CFAP77: variants seen among roughly 807,000 people sequenced by gnomAD.
CFAP77 encodes the protein cilia and flagella associated protein 77, also known as cilia- and flagella-associated protein 77.
Under a neutral mutation model 31.1 loss-of-function variants are expected in CFAP77, and 25 were observed. The observed-to-expected ratio is 0.80, with a 90% confidence interval of 0.59 to 1.12. CFAP77 has a LOEUF of 1.12. Among genes scored for constraint, CFAP77 ranks in the 50% most tolerant of loss-of-function variants. The pLI is 0.00. For missense variants in CFAP77, 377 were observed against 397.3 expected (o/e 0.95, Z 0.44); for synonymous variants, 151 against 159.9 (o/e 0.94, Z 0.42).
chr9:132,472,585 G>T (rs565338806), intron 1 of CFAP77, among the ~76,000 whole-genome samples: 1 of 152,140 alleles, frequency 6.6e-6, no homozygotes, highest in South Asian at 2.1e-4. Context: ...AGTGAGACCC[G>T]CATTTCTACA....
At chr9:132,521,901 A>G (rs1304946128) in intron 3 of CFAP77, among the ~76,000 whole-genome samples, 1 of 149,970 alleles carries the variant, frequency 6.7e-6, no homozygotes, top group Non-Finnish European at 1.5e-5. Context: ...CAAGTAGACT[A>G]CAGGTGCACG....
At chr9:132,506,274 C>CAGAT (rs1386641632) in intron 3 of CFAP77, among the ~76,000 whole-genome samples, 4 of 152,198 alleles carry the variant, frequency 2.6e-5, no homozygotes, top group African/African-American at 9.7e-5. Flanking sequence ...CATGCTGCCA[C>CAGAT]CCAAGGTCCG....
chr9:132,466,342 C>T lies in CFAP77; in HGVS notation c.196-32353C>T, dbSNP rs74897919. Among the ~76,000 whole-genome samples the T allele has an allele frequency of 1.5e-3, 223 of 152,198 alleles. 1 individual carries two copies. In the East Asian group the frequency reaches 0.023, roughly 16 times the overall value. ...CCCATCCCGGGATGCCTTTAGACAA[C>T]GCTTTGATTGACACACATTCAGGTC... is the stretch of plus-strand genomic sequence containing the variant. On this transcript the variant is annotated intron_variant, in intron 1 of 5. Transcript: ENST00000393216.
At position 132,565,087 on chromosome 9, in the gene CFAP77, T is replaced by A. The variant is rs1237711951; in HGVS notation, c.733-7301T>A. Among the ~76,000 whole-genome samples the A allele has an allele frequency of 6.6e-6, 1 of 151,884 alleles. No individual in the cohort carries two copies. The highest frequency in any genetic ancestry group is 1.5e-5 in the Non-Finnish European group (1 of 67,978). On this transcript the variant is annotated intron_variant, in intron 5 of 5. Transcript: ENST00000393216. This position sits in a 1 kb window ranked among gnomAD's most constrained non-coding sequence, Gnocchi z 4.1. ...TCCAGTAGCAGGGAGGAAAAGGATG[T>A]TATCCCAGGAGGGAACTATGATTCC...
At chr9:132,491,517 G>T (rs1160671077) in intron 1 of CFAP77, among the ~76,000 whole-genome samples, 1 of 152,208 alleles carries the variant, frequency 6.6e-6, no homozygotes, top group Admixed American at 6.5e-5. Context: ...CACGACTGTG[G>T]ACAAAGTGTA....
At chr9:132,504,522 A>G (rs865883559) in intron 3 of CFAP77, among the ~76,000 whole-genome samples, 8 of 152,228 alleles carry the variant, frequency 5.3e-5, no homozygotes, top group Non-Finnish European at 8.8e-5. Flanking sequence ...CGTAGCAGAC[A>G]TTAACATTAA....
intron 1 of CFAP77, among the ~76,000 whole-genome samples, chr9:132,417,356 G>A (rs567456852): frequency 3.0e-4 from 45 of 152,188 alleles, no homozygotes; most frequent in African/African-American, 7.9e-4. Context: ...CTCGTGATCC[G>A]CCCACCTCGG....
chr9:132,489,286 C>G (rs1462932609), intron 1 of CFAP77, among the ~76,000 whole-genome samples: 2 of 152,184 alleles, frequency 1.3e-5, no homozygotes, highest in Non-Finnish European at 2.9e-5. Context: ...GGTCTCTTCT[C>G]TTTTTGAGCC....
rs112763234 is a variant in CFAP77, at chr9:132,475,423, G to A, written c.196-23272G>A. ...CTAAGGCTGGTCTGCAGTTGGGAGC[G>A]TTACAGAACCCAGGCTGGTTCCAGG... On this transcript the variant is annotated intron_variant, in intron 1 of 5. Transcript: ENST00000393216. Among the ~76,000 whole-genome samples, 690 of 152,258 alleles carry A rather than the reference G, an allele frequency of 4.5e-3. 5 individuals carry two copies. The highest frequency in any genetic ancestry group is 0.02 in the Middle Eastern group (6 of 294).
chr9:132,510,528 C>G lies in CFAP77; in HGVS notation c.524+10928C>G, dbSNP rs76447101. 7.7e-4 allele frequency among the ~76,000 whole-genome samples: 117 copies of G among 152,324 alleles called. 1 individual carries two copies. The East Asian group carries it at 0.021, about 28-fold the overall frequency. ...CCCTGGCACTGCACGAAGAACCAGG[C>G]ATCAAGCCCAACACATCAGCCCACA... On this transcript the variant is annotated intron_variant, in intron 3 of 5. Transcript: ENST00000393216.
chr9:132,450,275 CAAA>C (rs112875395), intron 1 of CFAP77, among the ~76,000 whole-genome samples: 5 of 95,482 alleles, frequency 5.2e-5, no homozygotes, highest in Admixed American at 1.1e-4. Context: ...ATATTCCAGG[CAAA>C]AAAAAAAAAA....
intron 1 of CFAP77, among the ~76,000 whole-genome samples, chr9:132,486,039 TA>T (rs1564223085): frequency 0.04 from 1,798 of 44,880 alleles, 303 homozygotes; most frequent in South Asian, 0.049. Context: ...TATATATATA[TA>T]TGTATGTATA....
At chr9:132,431,578 T>A (rs1850412381) in intron 1 of CFAP77, among the ~76,000 whole-genome samples, 2 of 152,132 alleles carry the variant, frequency 1.3e-5, no homozygotes, top group Admixed American at 1.3e-4. Flanking sequence ...ATACAATGTC[T>A]GAGGTAAAAA....
intron 1 of CFAP77, among the ~76,000 whole-genome samples, chr9:132,425,124 G>A (rs962080038): frequency 4.6e-5 from 7 of 152,148 alleles, no homozygotes; most frequent in Admixed American, 1.3e-4. Flanking sequence ...TGTTAGATTC[G>A]ATTGAAGATT....
chr9:132,566,960 C>T (rs146563922), intron 5 of CFAP77, among the ~76,000 whole-genome samples: 5 of 152,314 alleles, frequency 3.3e-5, no homozygotes, highest in African/African-American at 7.2e-5. Flanking sequence ...GGGGCCCACC[C>T]GACCTTCTTT....
chr9:132,481,698 C>T lies in CFAP77; in HGVS notation c.196-16997C>T, dbSNP rs1028839770. 3.3e-5 allele frequency among the ~76,000 whole-genome samples: 5 copies of T among 152,194 alleles called. No individual in the cohort carries two copies. In the South Asian group the frequency reaches 8.3e-4, roughly 25 times the overall value. On this transcript the variant is annotated intron_variant, in intron 1 of 5. Coordinates refer to ENST00000393216, the MANE Select transcript of CFAP77 (RefSeq NM_001282957.2). The surrounding 1 kb of genome is among the most constrained non-coding windows in gnomAD (Gnocchi z 5.0). Reference sequence around the variant, plus strand: ...CCCAGCTTTGTGCTGAAATGAAGAGCCGCCGCTTCCTCTCCCAGCCGACCC... The same window carrying T: ...CCCAGCTTTGTGCTGAAATGAAGAGTCGCCGCTTCCTCTCCCAGCCGACCC...
chr9:132,452,896 C>G (rs1394027811), intron 1 of CFAP77, among the ~76,000 whole-genome samples: 1 of 152,198 alleles, frequency 6.6e-6, no homozygotes, highest in Non-Finnish European at 1.5e-5. Flanking sequence ...TTCTTTGACT[C>G]TAAGAAGGAG....
At chr9:132,507,760 G>A (rs1220870102) in intron 3 of CFAP77, among the ~76,000 whole-genome samples, 1 of 152,162 alleles carries the variant, frequency 6.6e-6, no homozygotes, top group Admixed American at 6.5e-5. Context: ...GAGATCCGAG[G>A]CAGTTTCTGA....
chr9:132,471,188 G>A (rs530758593), intron 1 of CFAP77, among the ~76,000 whole-genome samples: 16 of 152,164 alleles, frequency 1.1e-4, no homozygotes, highest in Non-Finnish European at 2.2e-4. Flanking sequence ...TAATCAGTTG[G>A]GAGAACCACA....
Sources: allele counts gnomAD v4.1 joint callset (sites outside exome capture counted in the v4.1 genomes callset), GRCh38; gene constraint gnomAD v4.1.1; non-coding constraint Gnocchi (gnomAD v3.1); transcripts MANE v1.5; gene names NCBI Gene and HGNC (gene_info 2026-07-23, HGNC 2026-07-21).